The following GABBR2 variants were observed in gnomAD, a reference collection of about 807,000 sequenced individuals.
GABBR2 encodes the protein G-protein coupled receptor 51.
Under a neutral mutation model 105.6 loss-of-function variants are expected in GABBR2, and 23 were observed. The ratio of observed to expected loss-of-function variants is 0.22; its 90% CI spans 0.16 to 0.31. The LOEUF (loss-of-function observed/expected upper bound fraction) is 0.31. GABBR2 is among the 10% of genes least tolerant of loss of function. The pLI, the probability that GABBR2 is intolerant of heterozygous loss-of-function variation, is 1.00. For missense variants in GABBR2, 734 were observed against 1,245.5 expected, an observed-to-expected ratio of 0.59 and a Z score of 6.18; for synonymous variants, 478 against 499.7, an observed-to-expected ratio of 0.96 and a Z score of 0.58.
intron 13 of GABBR2, among the ~76,000 whole-genome samples, chr9:98,359,917 C>T (rs1413158512): frequency 6.6e-6 from 1 of 152,130 alleles, no homozygotes; most frequent in African/African-American, 2.4e-5. Context: ...TCCAGCGGAG[C>T]CAGTGAACAC....
intron 4 of GABBR2, among the ~76,000 whole-genome samples, chr9:98,487,206 C>G (rs976428125): frequency 6.6e-6 from 1 of 152,136 alleles, no homozygotes; most frequent in African/African-American, 2.4e-5. Context: ...GAGAAAGATG[C>G]ACCATGTGTA....
intron 2 of GABBR2, among the ~76,000 whole-genome samples, chr9:98,571,786 G>A (rs1422748479): frequency 2.6e-5 from 4 of 152,196 alleles, no homozygotes; most frequent in Non-Finnish European, 4.4e-5. Context: ...CAGCCAGGCA[G>A]CGTGCTCCAT....
intron 7 of GABBR2, among the ~76,000 whole-genome samples, chr9:98,436,348 CATATATATATATATATAT>C (rs1158239322): frequency 3.9e-3 from 30 of 7,598 alleles, no homozygotes; most frequent in Middle Eastern, 0.05. Flanking sequence ...ACACACACAC[CATATATATATATATATAT>C]ATATATATAT....
intron 6 of GABBR2, among the ~76,000 whole-genome samples, chr9:98,458,639 A>G (rs2131609878): frequency 6.6e-6 from 1 of 152,328 alleles, no homozygotes; most frequent in Admixed American, 6.5e-5. Flanking sequence ...CAGGAGGCAG[A>G]GGTTGCAGTG....
intron 13 of GABBR2, among the ~76,000 whole-genome samples, chr9:98,358,840 A>G (rs1173898029): frequency 6.6e-6 from 1 of 152,122 alleles, no homozygotes; most frequent in African/African-American, 2.4e-5. Context: ...TGAAACCAGA[A>G]GTCAGGACCT....
chr9:98,542,971 T>C (rs1828333034), intron 2 of GABBR2, among the ~76,000 whole-genome samples: 1 of 152,164 alleles, frequency 6.6e-6, no homozygotes, highest in Non-Finnish European at 1.5e-5. Context: ...TTTATATATA[T>C]AGCGTTCAAA....
intron 13 of GABBR2, among the ~76,000 whole-genome samples, chr9:98,328,670 TTTTC>T (rs1449936759): frequency 6.6e-6 from 1 of 152,190 alleles, no homozygotes. Context: ...GTTTTGCATT[TTTTC>T]TTTATCACAG....
chr9:98,433,962 G>A (rs971770834), intron 7 of GABBR2, among the ~76,000 whole-genome samples: 2 of 152,060 alleles, frequency 1.3e-5, no homozygotes, highest in African/African-American at 2.4e-5. Flanking sequence ...TCAATCCAAT[G>A]AAGTATTGTT....
intron 7 of GABBR2, among the ~76,000 whole-genome samples, chr9:98,425,425 T>C (rs1369348522): frequency 6.6e-6 from 1 of 152,206 alleles, no homozygotes; most frequent in Non-Finnish European, 1.5e-5. Flanking sequence ...GGTACACATG[T>C]GTTTGTTCAT....
intron 12 of GABBR2, among the ~76,000 whole-genome samples, chr9:98,365,180 T>C (rs540361829): frequency 5.0e-4 from 76 of 152,320 alleles, no homozygotes; most frequent in African/African-American, 1.6e-3. Flanking sequence ...GCTGCTTAAC[T>C]TTGCTAGGAC....
intron 1 of GABBR2, among the ~76,000 whole-genome samples, chr9:98,647,551 G>A (rs148721611): frequency 0.019 from 2,909 of 152,288 alleles, 47 homozygotes; most frequent in Non-Finnish European, 0.03. Context: ...TAACAGGGGC[G>A]GAGGAGACTG....
chr9:98,616,791 T>A (rs568578803), intron 1 of GABBR2, among the ~76,000 whole-genome samples: 2 of 152,096 alleles, frequency 1.3e-5, no homozygotes, highest in East Asian at 3.9e-4. Context: ...ACTTTGGCAG[T>A]TTAGAGATCC....
intron 1 of GABBR2, among the ~76,000 whole-genome samples, chr9:98,605,873 C>T (rs756647024): frequency 2.0e-5 from 3 of 152,084 alleles, no homozygotes; most frequent in South Asian, 2.1e-4. Context: ...GTGCTGCACC[C>T]GTTAACTCGT....
At chr9:98,449,457 T>G (rs1826194279) in intron 7 of GABBR2, among the ~76,000 whole-genome samples, 1 of 152,216 alleles carries the variant, frequency 6.6e-6, no homozygotes, top group Admixed American at 6.5e-5. Context: ...AACGTGTGTG[T>G]GTGGCCCCAA....
intron 1 of GABBR2, among the ~76,000 whole-genome samples, chr9:98,585,479 C>A (rs1480173750): frequency 6.5e-5 from 8 of 122,748 alleles, no homozygotes; most frequent in Non-Finnish European, 1.1e-4. Context: ...CATCACACAC[C>A]GGGGACTGGC....
intron 1 of GABBR2, among the ~76,000 whole-genome samples, chr9:98,700,129 A>G (rs1288291377): frequency 3.3e-5 from 5 of 152,088 alleles, no homozygotes; most frequent in Non-Finnish European, 1.5e-5. Flanking sequence ...GTCTATCTTG[A>G]TCACCTGTTG....
intron 2 of GABBR2, among the ~76,000 whole-genome samples, chr9:98,570,955 G>A (rs1005073052): frequency 4.6e-5 from 7 of 152,202 alleles, no homozygotes; most frequent in Middle Eastern, 3.2e-3. Flanking sequence ...CTGGCTCTCC[G>A]TCAGCAAATA....
intron 7 of GABBR2, among the ~76,000 whole-genome samples, chr9:98,442,895 T>C (rs1165513817): frequency 6.6e-6 from 1 of 152,214 alleles, no homozygotes; most frequent in Non-Finnish European, 1.5e-5. Context: ...CTCCCCTTTT[T>C]ATAGAAACAC....
chr9:98,405,200 C>T (rs1832468652), intron 8 of GABBR2, among the ~76,000 whole-genome samples: 1 of 152,118 alleles, frequency 6.6e-6, no homozygotes, highest in Non-Finnish European at 1.5e-5. Flanking sequence ...CTATTGGGCA[C>T]ATGGGGGTTC....
Sources: gnomAD v4.1 joint callset for allele counts (sites outside exome capture counted in the v4.1 genomes callset) on GRCh38, gnomAD v4.1.1 for gene constraint, MANE v1.5 for transcripts, NCBI Gene and HGNC (gene_info 2026-07-23, HGNC 2026-07-21) for gene names.